The following PRMT8 variants were observed in gnomAD, a reference collection of about 807,000 sequenced individuals.
PRMT8 encodes protein arginine methyltransferase 8.
Under a neutral mutation model 47.1 loss-of-function variants are expected in PRMT8, and 7 were observed. The ratio of observed to expected loss-of-function variants is 0.15; its 90% CI spans 0.08 to 0.28. The LOEUF is 0.28. PRMT8 is among the 10% of genes least tolerant of loss of function. The pLI, the probability that PRMT8 is intolerant of heterozygous loss-of-function variation, is 1.00. For missense variants in PRMT8, 237 were observed against 505.4 expected (o/e 0.47, Z 5.09); for synonymous variants, 188 against 186.5 (o/e 1.01, Z -0.07).
chr12:3,590,632 TAA>T (rs34781623), intron 8 of PRMT8, among the ~76,000 whole-genome samples: 114 of 130,790 alleles, frequency 8.7e-4, no homozygotes, highest in Non-Finnish European at 1.0e-3. Context: ...TCCTTAGTCC[TAA>T]AAAAAAAAAA....
intron 1 of PRMT8, among the ~76,000 whole-genome samples, chr12:3,402,430 A>G (rs889906654): frequency 6.6e-6 from 1 of 152,232 alleles, no homozygotes; most frequent in Non-Finnish European, 1.5e-5. Flanking sequence ...AGATTTCATG[A>G]TGAAAATGCC....
intron 1 of PRMT8, among the ~76,000 whole-genome samples, chr12:3,524,117 C>A (rs1419898112): frequency 6.6e-6 from 1 of 152,168 alleles, no homozygotes; most frequent in African/African-American, 2.4e-5. Context: ...ATAAAAATCC[C>A]CAAGAATCCA....
intron 1 of PRMT8, among the ~76,000 whole-genome samples, chr12:3,468,703 T>C (rs931286374): frequency 3.9e-5 from 6 of 152,262 alleles, no homozygotes; most frequent in East Asian, 1.9e-4. Flanking sequence ...TTAATACTTA[T>C]CTGGGGCCCA....
chr12:3,477,714 G>A (rs562550900), intron 1 of PRMT8, among the ~76,000 whole-genome samples: 2 of 152,240 alleles, frequency 1.3e-5, no homozygotes, highest in African/African-American at 4.8e-5. Context: ...ACCACTGGCG[G>A]TCGTTTCTCA....
At position 3,576,597 on chromosome 12, in the gene PRMT8, A is replaced by G. The variant is rs6489480; in HGVS notation, c.713-274A>G. ...GTCTTTGCCCTGCTGCACTCTAGCTATAGGAGCTTGGAGCAGTTTCCCAGC... is the reference window on the plus strand; with the variant it reads ...GTCTTTGCCCTGCTGCACTCTAGCTGTAGGAGCTTGGAGCAGTTTCCCAGC... On this transcript the variant is annotated intron_variant, in intron 6 of 9. Transcript: ENST00000382622. This position sits in a 1 kb window ranked among gnomAD's most constrained non-coding sequence, Gnocchi z 4.0. Among the ~76,000 whole-genome samples the G allele has an allele frequency of 0.18, 27,928 of 152,142 alleles. 2,825 individuals carry two copies. The highest frequency in any genetic ancestry group is 0.31 in the Middle Eastern group (92 of 294).
At position 3,395,422 on chromosome 12, in the gene PRMT8, T is replaced by C. The variant is rs371101341; in HGVS notation, c.48+13980T>C. 4.8e-3 allele frequency among the ~76,000 whole-genome samples: 710 copies of C among 149,324 alleles called. 3 individuals are homozygous for C. The highest frequency in any genetic ancestry group is 0.016 in the African/African-American group (631 of 40,520). On this transcript the variant is annotated intron_variant, in intron 1 of 9. Transcript: ENST00000452611. ...TTCTGGTATGTTGTGTCTTTGTTCT[T>C]GTTGGTTTCAAAGAACATCTTTATT...
chr12:3,543,524 G>T (rs1191268266), intron 2 of PRMT8, among the ~76,000 whole-genome samples: 1 of 152,188 alleles, frequency 6.6e-6, no homozygotes, highest in Non-Finnish European at 1.5e-5. Context: ...CACACGGTGG[G>T]GAGCAGCCCC....
At position 3,491,260 on chromosome 12, in the gene PRMT8, C is replaced by T; in HGVS notation, c.-366C>T. ...GAGTTGGCGGCTGCCTCCGGCCGGC[C>T]GGACTTTGCGAGCAGCCTGGAGAGG... On this transcript the variant is annotated 5_prime_UTR_variant, in exon 1 of 10. Coordinates refer to ENST00000382622, the MANE Select transcript of PRMT8 (RefSeq NM_019854.5). The T allele has an allele frequency of 9.7e-7, 1 of 1,033,670 alleles. No homozygotes were observed. Among genetic ancestry groups the T allele is most frequent in the Non-Finnish European group, 1.2e-6 (1 of 861,532 alleles). The allele number at this position is 1,033,670 out of a possible 1,614,324, so 64.0% of individuals were successfully genotyped here.
At chr12:3,517,571 G>A (rs906171011) in intron 1 of PRMT8, among the ~76,000 whole-genome samples, 1 of 152,188 alleles carries the variant, frequency 6.6e-6, no homozygotes, top group African/African-American at 2.4e-5. Flanking sequence ...CATCTTTGGA[G>A]GTCTTGGGGG....
At chr12:3,527,182 A>C (rs372403038) in intron 1 of PRMT8, among the ~76,000 whole-genome samples, 1 of 152,152 alleles carries the variant, frequency 6.6e-6, no homozygotes, top group Non-Finnish European at 1.5e-5. Flanking sequence ...AAGTAATATT[A>C]TAGCACCTTA....
chr12:3,488,291 T>C (rs1865341044), upstream of PRMT8, among the ~76,000 whole-genome samples: 1 of 152,206 alleles, frequency 6.6e-6, no homozygotes, highest in South Asian at 2.1e-4. Context: ...GCCTAGCGAA[T>C]GTTGACATAA....
chr12:3,557,376 G>A lies in PRMT8; in HGVS notation c.481+3662G>A, dbSNP rs147166008. Among the ~76,000 whole-genome samples the A allele has an allele frequency of 1.4e-4, 21 of 152,270 alleles. No homozygotes were observed. In the East Asian group the frequency reaches 1.9e-3, roughly 14 times the overall value. ...ATCTAAGCTGGGCCAGGAAGGAAGC[G>A]GAGAAGGATGGTGGTGGTTGTGACA... On this transcript the variant is annotated intron_variant, in intron 4 of 9. Coordinates refer to ENST00000382622, the MANE Select transcript of PRMT8 (RefSeq NM_019854.5). The surrounding 1 kb of genome is among the most constrained non-coding windows in gnomAD (Gnocchi z 4.7).
At chr12:3,473,810 AG>A (rs1261761174) in intron 1 of PRMT8, among the ~76,000 whole-genome samples, 1 of 152,106 alleles carries the variant, frequency 6.6e-6, no homozygotes, top group Non-Finnish European at 1.5e-5. Flanking sequence ...GCCCCGCCTT[AG>A]TTTAGCTGGG....
chr12:3,457,010 C>G (rs564654377), intron 1 of PRMT8, among the ~76,000 whole-genome samples: 33 of 152,318 alleles, frequency 2.2e-4, no homozygotes, highest in African/African-American at 7.7e-4. Flanking sequence ...AGAGTTCCAG[C>G]GCCACCACTG....
intron 1 of PRMT8, among the ~76,000 whole-genome samples, chr12:3,472,070 C>T (rs539768188): frequency 1.9e-4 from 29 of 152,102 alleles, no homozygotes; most frequent in Non-Finnish European, 2.2e-4. Flanking sequence ...AGTGCGTGGG[C>T]GGGGACATCA....
At chr12:3,388,976 T>C (rs141317971) in intron 1 of PRMT8, among the ~76,000 whole-genome samples, 99 of 152,344 alleles carry the variant, frequency 6.5e-4, no homozygotes, top group African/African-American at 2.3e-3. Context: ...AACCTTAGGC[T>C]GTGGAGTTCT....
intron 1 of PRMT8, among the ~76,000 whole-genome samples, chr12:3,428,504 G>A (rs1246413573): frequency 6.6e-6 from 1 of 152,096 alleles, no homozygotes; most frequent in Non-Finnish European, 1.5e-5. Flanking sequence ...GGTTGTCAAC[G>A]GCCTCAGTGC....
At chr12:3,525,471 A>C (rs1463952001) in intron 1 of PRMT8, among the ~76,000 whole-genome samples, 1 of 152,176 alleles carries the variant, frequency 6.6e-6, no homozygotes, top group Non-Finnish European at 1.5e-5. Flanking sequence ...CTACTTCTCC[A>C]TTTAGCATAT....
intron 9 of PRMT8, among the ~76,000 whole-genome samples, chr12:3,592,826 C>T (rs1053354832): frequency 6.6e-6 from 1 of 152,194 alleles, no homozygotes; most frequent in Non-Finnish European, 1.5e-5. Context: ...GAACACTTAA[C>T]CACCCCAATC....
Sources: allele counts gnomAD v4.1 joint callset (sites outside exome capture counted in the v4.1 genomes callset), GRCh38; gene constraint gnomAD v4.1.1; non-coding constraint Gnocchi (gnomAD v3.1); transcripts MANE v1.5; gene names NCBI Gene and HGNC (gene_info 2026-07-23, HGNC 2026-07-21).